Variants in KIAA1328 observed in about 807,000 individuals in gnomAD.
KIAA1328 encodes the protein KIAA1328.
A neutral mutation model predicts 68.1 loss-of-function variants in KIAA1328; 52 were observed. That is an observed-to-expected ratio of 0.76 (90% CI 0.61 to 0.96). KIAA1328 has a LOEUF of 0.96. KIAA1328 is among the 40% of genes least tolerant of loss of function. The pLI is 0.00. For missense variants in KIAA1328, 641 were observed against 677.6 expected (o/e 0.95, Z 0.60); for synonymous variants, 232 against 239.4 (o/e 0.97, Z 0.28).
At chr18:36,932,193 C>T (rs1482352662) in intron 5 of KIAA1328, among the ~76,000 whole-genome samples, 2 of 152,070 alleles carry the variant, frequency 1.3e-5, no homozygotes, top group Admixed American at 1.3e-4. Flanking sequence ...TCCAGTAGTC[C>T]ATCTTTCAAA....
intron 6 of KIAA1328, among the ~76,000 whole-genome samples, chr18:37,054,362 A>T (rs537159288): frequency 6.6e-6 from 1 of 152,286 alleles, no homozygotes; most frequent in African/African-American, 2.4e-5. Context: ...ACCTGCACTC[A>T]TATGTTTATT....
chr18:36,957,900 T>A (rs1453348071), intron 5 of KIAA1328, among the ~76,000 whole-genome samples: 2 of 152,144 alleles, frequency 1.3e-5, no homozygotes, highest in African/African-American at 4.8e-5. Flanking sequence ...CACTACTTTG[T>A]AATTCCTGAA....
chr18:36,840,006 G>A (rs1474980708), intron 3 of KIAA1328, among the ~76,000 whole-genome samples: 1 of 152,152 alleles, frequency 6.6e-6, no homozygotes, highest in African/African-American at 2.4e-5. Flanking sequence ...CTCCTATGCA[G>A]CTCTATCCTT....
intron 7 of KIAA1328, among the ~76,000 whole-genome samples, chr18:37,095,330 G>A (rs373629152): frequency 6.6e-6 from 1 of 152,038 alleles, no homozygotes; most frequent in Non-Finnish European, 1.5e-5. Flanking sequence ...CATATAGTAG[G>A]CCACAAAACA....
chr18:36,910,537 G>A (rs888855924), intron 5 of KIAA1328, among the ~76,000 whole-genome samples: 3 of 152,140 alleles, frequency 2.0e-5, no homozygotes, highest in Non-Finnish European at 4.4e-5. Context: ...TTATAGTATA[G>A]TTTGAAGTCA....
chr18:37,209,005 C>T (rs541595561), intron 9 of KIAA1328, among the ~76,000 whole-genome samples: 5 of 152,240 alleles, frequency 3.3e-5, no homozygotes, highest in Admixed American at 6.5e-5. Context: ...AACCTAAGTA[C>T]TCTTTAACAG....
intron 3 of KIAA1328, among the ~76,000 whole-genome samples, chr18:36,842,629 C>CT (rs1259182791): frequency 6.6e-6 from 1 of 151,684 alleles, no homozygotes; most frequent in African/African-American, 2.4e-5. Context: ...AGACATTTGC[C>CT]TTTTCAGATT....
At chr18:37,175,965 C>G (rs2154214514) in intron 9 of KIAA1328, among the ~76,000 whole-genome samples, 1 of 152,172 alleles carries the variant, frequency 6.6e-6, no homozygotes, top group African/African-American at 2.4e-5. Flanking sequence ...ATTCCATGTG[C>G]AGGTGAAAAA....
chr18:37,004,301 C>G (rs1401927318), intron 6 of KIAA1328, among the ~76,000 whole-genome samples: 1 of 151,844 alleles, frequency 6.6e-6, no homozygotes, highest in Non-Finnish European at 1.5e-5. Flanking sequence ...GGTCTTTCAC[C>G]TCCTTGGTTA....
At chr18:36,934,173 C>G (rs1231752279) in intron 5 of KIAA1328, among the ~76,000 whole-genome samples, 1 of 152,140 alleles carries the variant, frequency 6.6e-6, no homozygotes, top group East Asian at 1.9e-4. Context: ...TGGGAACTAG[C>G]ATCTGACAAC....
At chr18:37,073,341 G>T (rs2056600284) in intron 7 of KIAA1328, among the ~76,000 whole-genome samples, 1 of 152,280 alleles carries the variant, frequency 6.6e-6, no homozygotes, top group Middle Eastern at 3.4e-3. Flanking sequence ...CCATCAAAAA[G>T]TGGGCAAAGC....
At position 37,225,053 on chromosome 18, in the gene KIAA1328, G is replaced by A. The variant is rs2060622549; in HGVS notation, c.*2826G>A. Reference sequence around the variant, plus strand: ...TTTTCTAGAGCACCCCAAATGTCATGGGGAGAGAGGGACTCTTTCTGCTCC... The same window carrying A: ...TTTTCTAGAGCACCCCAAATGTCATAGGGAGAGAGGGACTCTTTCTGCTCC... On this transcript the variant is annotated 3_prime_UTR_variant, in exon 10 of 10. Coordinates refer to ENST00000280020, the MANE Select transcript of KIAA1328 (RefSeq NM_020776.3). The A allele has an allele frequency of 2.0e-6, 2 of 985,380 alleles. No homozygotes were observed. Among genetic ancestry groups the A allele is most frequent in the South Asian group, 9.4e-5 (2 of 21,278 alleles). The allele number at this position is 985,380 out of a possible 1,614,324, so 61.0% of individuals were successfully genotyped here. A position where few individuals can be genotyped will look rare whatever the true frequency, so the allele number is the denominator to read the frequency against.
intron 9 of KIAA1328, among the ~76,000 whole-genome samples, chr18:37,200,982 G>C (rs1403714425): frequency 1.3e-5 from 2 of 152,082 alleles, no homozygotes; most frequent in Non-Finnish European, 2.9e-5. Context: ...TTATAGCCAG[G>C]AGGGTTCATT....
At chr18:36,972,494 G>A (rs2052267727) in intron 6 of KIAA1328, among the ~76,000 whole-genome samples, 1 of 152,154 alleles carries the variant, frequency 6.6e-6, no homozygotes, top group Non-Finnish European at 1.5e-5. Context: ...CATGTCGGGG[G>A]AGGGGTCTAA....
At chr18:37,105,135 TTTG>T (rs1162909034) in intron 7 of KIAA1328, among the ~76,000 whole-genome samples, 1 of 151,978 alleles carries the variant, frequency 6.6e-6, no homozygotes, top group African/African-American at 2.4e-5. Context: ...ATGAGTGGGG[TTTG>T]TTGTTGTTTA....
intron 4 of KIAA1328, among the ~76,000 whole-genome samples, chr18:36,883,830 CTT>C (rs2048398948): frequency 6.6e-6 from 1 of 151,926 alleles, no homozygotes; most frequent in Non-Finnish European, 1.5e-5. Context: ...CTGTAATCTA[CTT>C]ATTACTCTGT....
intron 4 of KIAA1328, among the ~76,000 whole-genome samples, chr18:36,876,358 T>C (rs543729752): frequency 3.9e-5 from 6 of 152,188 alleles, no homozygotes; most frequent in Non-Finnish European, 8.8e-5. Flanking sequence ...CAGGACTTGC[T>C]ATTGGTCTGT....
intron 1 of KIAA1328, 146 bp from the exon 2 acceptor site, chr18:36,834,174 A>G (rs1346049263): frequency 1.5e-5 from 18 of 1,178,822 alleles, no homozygotes; most frequent in Admixed American, 4.2e-5. Context: ...TAATTCAATT[A>G]CTTTGCTTTC....
chr18:37,045,822 T>C (rs1235656636), intron 6 of KIAA1328, among the ~76,000 whole-genome samples: 4 of 152,216 alleles, frequency 2.6e-5, no homozygotes, highest in Non-Finnish European at 4.4e-5. Flanking sequence ...TTCACAAATA[T>C]GAAAGAATAG....
Sources: allele counts gnomAD v4.1 joint callset (sites outside exome capture counted in the v4.1 genomes callset), GRCh38; gene constraint gnomAD v4.1.1; transcripts MANE v1.5; gene names NCBI Gene and HGNC (gene_info 2026-07-23, HGNC 2026-07-21).